Variants in DOCK1 observed in about 807,000 individuals in gnomAD.
DOCK1 encodes the protein dedicator of cytokinesis 1.
A neutral mutation model predicts 262.7 loss-of-function variants in DOCK1; 138 were observed. The ratio of observed to expected loss-of-function variants is 0.53; its 90% CI spans 0.46 to 0.61. The LOEUF (loss-of-function observed/expected upper bound fraction) is 0.61. Ranked by LOEUF, DOCK1 falls within the 20% of genes least tolerant of loss-of-function variation. The pLI is 0.00. For missense variants in DOCK1, 1,908 were observed against 2,370.7 expected (o/e 0.80, Z 4.05); for synonymous variants, 866 against 867.4 (o/e 1.00, Z 0.03).
chr10:126,955,405 C>T (rs1017561428), intron 1 of DOCK1, among the ~76,000 whole-genome samples: 1 of 152,194 alleles, frequency 6.6e-6, no homozygotes, highest in Non-Finnish European at 1.5e-5. Context: ...GGATTACAGG[C>T]GTGAGCCAGT....
intron 27 of DOCK1, among the ~76,000 whole-genome samples, chr10:127,220,593 G>A (rs1048312339): frequency 6.6e-6 from 1 of 151,958 alleles, no homozygotes; most frequent in Non-Finnish European, 1.5e-5. Context: ...TAGCTGTAAA[G>A]GGAAGAAGGA....
intron 1 of DOCK1, among the ~76,000 whole-genome samples, chr10:126,952,809 G>T (rs2036399806): frequency 6.6e-6 from 1 of 152,300 alleles, no homozygotes; most frequent in Non-Finnish European, 1.5e-5. Context: ...GTTATTCTTG[G>T]TAGTATTGTT....
intron 23 of DOCK1, among the ~76,000 whole-genome samples, chr10:127,094,742 A>G (rs1266951034): frequency 6.6e-6 from 1 of 152,214 alleles, no homozygotes; most frequent in Non-Finnish European, 1.5e-5. Flanking sequence ...CACAAGTGTG[A>G]TGTGCTTCAT....
chr10:126,965,149 A>G (rs1318918390), intron 1 of DOCK1, among the ~76,000 whole-genome samples: 2 of 152,190 alleles, frequency 1.3e-5, no homozygotes, highest in Non-Finnish European at 2.9e-5. Context: ...GGGAGTTCAG[A>G]AGGAAGCCAT....
At chr10:126,973,274 G>T (rs932019649) in intron 2 of DOCK1, among the ~76,000 whole-genome samples, 11 of 151,398 alleles carry the variant, frequency 7.3e-5, no homozygotes, top group Non-Finnish European at 1.6e-4. Context: ...TGTCGCCCGG[G>T]CTGGAGTATG....
chr10:127,396,793 G>A (rs1226382643), intron 38 of DOCK1, among the ~76,000 whole-genome samples: 1 of 151,812 alleles, frequency 6.6e-6, no homozygotes, highest in Non-Finnish European at 1.5e-5. Context: ...TTTTATCTAG[G>A]GCATTACAAG....
intron 36 of DOCK1, among the ~76,000 whole-genome samples, chr10:127,380,628 C>G (rs2065774456): frequency 6.6e-6 from 1 of 152,164 alleles, no homozygotes; most frequent in South Asian, 2.1e-4. Context: ...ACTCGCCTTG[C>G]TCCCTGGAGT....
chr10:127,291,222 G>A (rs1210702539), intron 29 of DOCK1, among the ~76,000 whole-genome samples: 2 of 152,208 alleles, frequency 1.3e-5, no homozygotes, highest in Non-Finnish European at 2.9e-5. Context: ...AGTGTCACGT[G>A]GATTTACTGG....
At chr10:127,241,752 T>G (rs2059272416) in intron 27 of DOCK1, among the ~76,000 whole-genome samples, 1 of 152,138 alleles carries the variant, frequency 6.6e-6, no homozygotes, top group African/African-American at 2.4e-5. Context: ...TACTGTTTGG[T>G]TTGACATCAA....
At chr10:127,065,869 A>G (rs9418732) in intron 23 of DOCK1, among the ~76,000 whole-genome samples, 26,645 of 151,920 alleles carry the variant, frequency 0.18, 2,488 homozygotes, top group South Asian at 0.32. Context: ...AAAAAATGAT[A>G]AAAGAAAAGA....
At chr10:127,015,770 C>T (rs936700492) in intron 12 of DOCK1, among the ~76,000 whole-genome samples, 21 of 152,136 alleles carry the variant, frequency 1.4e-4, no homozygotes, top group African/African-American at 4.8e-4. Context: ...GCGATTCCAT[C>T]CCCACTGTGC....
chr10:127,254,275 T>C (rs10829652), intron 28 of DOCK1, among the ~76,000 whole-genome samples: 50,778 of 152,190 alleles, frequency 0.33, 9,762 homozygotes, highest in South Asian at 0.57. Flanking sequence ...TTTTCAGTTT[T>C]TTTGAAGAGA....
chr10:126,953,675 C>T (rs935569465), intron 1 of DOCK1, among the ~76,000 whole-genome samples: 3 of 151,934 alleles, frequency 2.0e-5, no homozygotes, highest in African/African-American at 2.4e-5. Context: ...GTGGGTAGAA[C>T]GTCCCTCATT....
chr10:127,175,479 G>T lies in DOCK1; in HGVS notation c.2847+47715G>T. 2 of 1,609,364 alleles carry T rather than the reference G, an allele frequency of 1.2e-6. No individual in the cohort carries two copies. Among genetic ancestry groups the T allele is most frequent in the South Asian group, 1.1e-5 (1 of 91,080 alleles). On this transcript the variant is annotated intron_variant, in intron 27 of 51. Coordinates refer to ENST00000623213, the MANE Select transcript of DOCK1 (RefSeq NM_001290223.2). The surrounding 1 kb of genome is among the most constrained non-coding windows in gnomAD (Gnocchi z 6.3). Reference sequence around the variant, plus strand: ...CAGGCACTGCATCGGGGGTGAGCAGGCCAGGGCAGTTTCCGAGGGCGCCTG... The same window carrying T: ...CAGGCACTGCATCGGGGGTGAGCAGTCCAGGGCAGTTTCCGAGGGCGCCTG...
chr10:126,982,105 T>C (rs1458225838), intron 4 of DOCK1, 132 bp downstream of exon 4: 1 of 950,310 alleles, frequency 1.1e-6, no homozygotes, highest in Non-Finnish European at 1.6e-6. Context: ...ACAGGAGTTT[T>C]GGGGAGAGAA....
At chr10:127,044,010 G>A (rs1225506427) in intron 21 of DOCK1, among the ~76,000 whole-genome samples, 1 of 151,972 alleles carries the variant, frequency 6.6e-6, no homozygotes, top group Admixed American at 6.6e-5. Flanking sequence ...ATGACTTACC[G>A]GCTCTTTCTT....
chr10:127,423,314 G>A (rs1241659913), intron 46 of DOCK1, among the ~76,000 whole-genome samples: 3 of 152,220 alleles, frequency 2.0e-5, no homozygotes, highest in Non-Finnish European at 4.4e-5. Flanking sequence ...TTTCATCACC[G>A]ATATATAATA....
In DOCK1 at chr10:127,011,369, T is replaced by C. The variant is rs1226193538; in HGVS notation, c.1059-863T>C. On this transcript the variant is annotated intron_variant, in intron 11 of 51. Transcript: ENST00000623213. Reference sequence around the variant, plus strand: ...ACATCTCCCTCCCTCCCTGTCTTTTTTAACTTGGTGACGTAAATGACAACA... The same window carrying C: ...ACATCTCCCTCCCTCCCTGTCTTTTCTAACTTGGTGACGTAAATGACAACA... Among the ~76,000 whole-genome samples, 3 of 152,348 alleles carry C rather than the reference T, an allele frequency of 2.0e-5. No individual in the cohort carries two copies. The East Asian group carries it at 5.8e-4, about 29-fold the overall frequency.
intron 49 of DOCK1, among the ~76,000 whole-genome samples, chr10:127,443,179 A>G (rs1338160733): frequency 6.6e-6 from 1 of 151,990 alleles, no homozygotes; most frequent in Admixed American, 6.5e-5. Flanking sequence ...TGCCCTCCCA[A>G]ATTTGGACAC....
Sources: gnomAD v4.1 joint callset for allele counts (sites outside exome capture counted in the v4.1 genomes callset) on GRCh38, gnomAD v4.1.1 for gene constraint, Gnocchi (gnomAD v3.1) non-coding constraint, MANE v1.5 for transcripts, NCBI Gene and HGNC (gene_info 2026-07-23, HGNC 2026-07-21) for gene names.